DACH2: variants seen among roughly 807,000 people sequenced by gnomAD.
DACH2 encodes the protein dachshund family transcription factor 2.
In DACH2, 17 loss-of-function variants were observed where a neutral mutation model predicts 35.8. That is an observed-to-expected ratio of 0.48 (90% CI 0.33 to 0.71). The LOEUF (loss-of-function observed/expected upper bound fraction) is 0.71, where lower values mean the gene tolerates loss of function less well. Among genes scored for constraint, DACH2 ranks in the 30% least tolerant of loss-of-function variants. The pLI is 0.02. For synonymous variants in DACH2, 195 were observed against 177.3 expected (o/e 1.10, Z -0.79); for missense variants, 469 against 472.7 (o/e 0.99, Z 0.07).
At chrX:86,666,177 T>C (rs1202486409) in intron 4 of DACH2, among the ~76,000 whole-genome samples, 2 of 111,433 alleles carry the variant, frequency 1.8e-5, no homozygotes, top group Non-Finnish European at 3.8e-5. Context: ...TTTCTAACTG[T>C]ATCCTCTCTT....
At chrX:86,596,871 C>T (rs1275538627) in intron 3 of DACH2, among the ~76,000 whole-genome samples, 2 of 111,398 alleles carry the variant, frequency 1.8e-5, no homozygotes, top group East Asian at 5.7e-4. Context: ...ATCCTAGCAC[C>T]ACTTGTTGAA....
chrX:86,490,958 G>C (rs1419557076), intron 2 of DACH2, among the ~76,000 whole-genome samples: 2 of 111,188 alleles, frequency 1.8e-5, no homozygotes, highest in Non-Finnish European at 3.8e-5. Context: ...CAAGTAGGCA[G>C]CTCCTTTGAG....
chrX:86,524,313 C>A (rs12116061), intron 3 of DACH2, among the ~76,000 whole-genome samples: 7,312 of 111,866 alleles, frequency 0.065, 616 homozygotes, highest in African/African-American at 0.22. Flanking sequence ...GGAGTGAAAG[C>A]AGTGAAGCTG....
At chrX:86,501,573 T>C (rs2038249094) in intron 2 of DACH2, among the ~76,000 whole-genome samples, 1 of 111,650 alleles carries the variant, frequency 9.0e-6, no homozygotes, top group Admixed American at 9.5e-5. Flanking sequence ...AATTAAAGAA[T>C]TGAGATTTGA....
intron 7 of DACH2, among the ~76,000 whole-genome samples, chrX:86,771,706 G>A (rs1382001457): frequency 1.8e-5 from 2 of 111,637 alleles, no homozygotes; most frequent in African/African-American, 3.3e-5. Context: ...TTCTTTTGTG[G>A]AAGGCTGCAT....
chrX:86,786,245 C>T (rs1380996408), intron 7 of DACH2, among the ~76,000 whole-genome samples: 2 of 111,784 alleles, frequency 1.8e-5, no homozygotes, highest in East Asian at 5.7e-4. Context: ...TATTTCCTCT[C>T]CCTTCAAACT....
At position 86,680,172 on chromosome X, in the gene DACH2, T is replaced by C. The variant is rs921951851; in HGVS notation, c.773-14849T>C. ...TTTCTCCTCTCTCTTCCAAATCTAA[T>C]TGAATTTTGAAATTGAATATTGAAA... On this transcript the variant is annotated intron_variant, in intron 4 of 11. Coordinates refer to ENST00000373125, the MANE Select transcript of DACH2 (RefSeq NM_053281.3). Among the ~76,000 whole-genome samples the C allele has an allele frequency of 6.8e-4, 76 of 111,933 alleles. 1 individual carries two copies. The highest frequency in any genetic ancestry group is 2.3e-3 in the African/African-American group (70 of 30,836).
intron 1 of DACH2, among the ~76,000 whole-genome samples, chrX:86,238,155 C>T (rs2033093479): frequency 8.9e-6 from 1 of 112,025 alleles, no homozygotes; most frequent in Admixed American, 9.5e-5. Context: ...ATGATTTAAC[C>T]CTAATCACTC....
In DACH2 at chrX:86,299,335, T is replaced by A. The variant is rs1373355837; in HGVS notation, c.489-77489T>A. On this transcript the variant is annotated intron_variant, in intron 1 of 11. Coordinates refer to ENST00000373125, the MANE Select transcript of DACH2 (RefSeq NM_053281.3). ...TACACTGTGATGCAGTTCTCTCTAC[T>A]TTTCCATGCCCCCAATGAGGGGGTT... 3.6e-5 allele frequency among the ~76,000 whole-genome samples: 4 copies of A among 111,602 alleles called. No individual in the cohort carries two copies. In the East Asian group the frequency reaches 8.4e-4, roughly 23 times the overall value.
At chrX:86,601,495 C>T (rs1020239612) in intron 3 of DACH2, among the ~76,000 whole-genome samples, 1 of 111,335 alleles carries the variant, frequency 9.0e-6, no homozygotes, top group Admixed American at 9.5e-5. Flanking sequence ...GAAATGATGG[C>T]CAATGTAGTG....
intron 1 of DACH2, among the ~76,000 whole-genome samples, chrX:86,357,716 T>G (rs145160468): frequency 0.016 from 1,777 of 112,372 alleles, 31 homozygotes; most frequent in African/African-American, 0.055. Context: ...AACTCATTCT[T>G]TCTTTAACCT....
chrX:86,264,492 G>C (rs1312643059), intron 1 of DACH2, among the ~76,000 whole-genome samples: 1 of 110,684 alleles, frequency 9.0e-6, no homozygotes, highest in African/African-American at 3.3e-5. Context: ...ATTTTTATTA[G>C]ATAGTATAAA....
intron 1 of DACH2, among the ~76,000 whole-genome samples, chrX:86,269,054 A>C (rs751644176): frequency 8.0e-4 from 89 of 110,784 alleles, no homozygotes; most frequent in African/African-American, 2.7e-3. Flanking sequence ...CTGTTGTGCT[A>C]TCAAATACTA....
chrX:86,556,438 G>T (rs1157072263), intron 3 of DACH2, among the ~76,000 whole-genome samples: 1 of 110,110 alleles, frequency 9.1e-6, no homozygotes, highest in Non-Finnish European at 1.9e-5. Context: ...AATATAACTG[G>T]CTTTTCAAAG....
intron 1 of DACH2, chrX:86,160,326 T>G: frequency 9.6e-7 from 1 of 1,036,815 alleles, no homozygotes; most frequent in Non-Finnish European, 1.3e-6. Context: ...ACAGCAACTG[T>G]CTGTCTCATA....
At chrX:86,420,953 C>T (rs2036791704) in intron 2 of DACH2, among the ~76,000 whole-genome samples, 2 of 110,494 alleles carry the variant, frequency 1.8e-5, no homozygotes. Context: ...ATAAATCAAG[C>T]CCAAAGAAAA....
intron 6 of DACH2, among the ~76,000 whole-genome samples, chrX:86,716,715 G>T (rs944453954): frequency 2.7e-5 from 3 of 111,978 alleles, no homozygotes; most frequent in Non-Finnish European, 5.6e-5. Context: ...AGTTAGCTTT[G>T]TGAATAATTT....
At chrX:86,263,628 G>A (rs1704316440) in intron 1 of DACH2, among the ~76,000 whole-genome samples, 1 of 111,943 alleles carries the variant, frequency 8.9e-6, no homozygotes, top group Non-Finnish European at 1.9e-5. Flanking sequence ...AGTTCAAGCT[G>A]CTTTTAAAAA....
chrX:86,544,792 A>G (rs766672630), intron 3 of DACH2, among the ~76,000 whole-genome samples: 2 of 112,158 alleles, frequency 1.8e-5, no homozygotes, highest in East Asian at 2.8e-4. Flanking sequence ...GCGCATGCCA[A>G]TATTAACCTT....
Sources: gnomAD v4.1 joint callset for allele counts (sites outside exome capture counted in the v4.1 genomes callset) on GRCh38, gnomAD v4.1.1 for gene constraint, MANE v1.5 for transcripts, NCBI Gene and HGNC (gene_info 2026-07-23, HGNC 2026-07-21) for gene names.